CHLSN: variants seen among roughly 807,000 people sequenced by gnomAD.
CHLSN encodes the protein protein cholesin.
the CHLSN span, among the ~76,000 whole-genome samples, chr7:1,073,342 C>CCGTTT: frequency 6.6e-6 from 1 of 152,158 alleles, no homozygotes; most frequent in South Asian, 2.1e-4. Flanking sequence ...CATTCCACTC[C>CCGTTT]CGTTTCGGAG....
At chr7:1,123,152 T>C in the CHLSN span, among the ~76,000 whole-genome samples, 1 of 152,194 alleles carries the variant, frequency 6.6e-6, no homozygotes, top group African/African-American at 2.4e-5. The surrounding 1 kb of genome is among the most constrained non-coding windows in gnomAD (Gnocchi z 4.4). Flanking sequence ...CACCAGGGAC[T>C]GAAGCCTGGG....
chr7:1,077,357 G>A, the CHLSN span, among the ~76,000 whole-genome samples: 3 of 152,250 alleles, frequency 2.0e-5, no homozygotes, highest in East Asian at 3.9e-4. Flanking sequence ...GGGTTTCACC[G>A]TGTTAGCCAG....
the CHLSN span, chr7:1,092,739 G>A: frequency 1.2e-6 from 2 of 1,613,518 alleles, no homozygotes; most frequent in East Asian, 2.2e-5. Flanking sequence ...AGCTGAGGCT[G>A]TACATTGAGC....
chr7:998,163 T>C, the CHLSN span, among the ~76,000 whole-genome samples: 1 of 152,134 alleles, frequency 6.6e-6, no homozygotes, highest in African/African-American at 2.4e-5. Flanking sequence ...GCGCCGGCAC[T>C]TGGCACGCTC....
the CHLSN span, among the ~76,000 whole-genome samples, chr7:1,126,221 C>T: frequency 7.9e-5 from 12 of 151,422 alleles, no homozygotes; most frequent in East Asian, 9.7e-4. Flanking sequence ...ATTAGCTGGG[C>T]GTGGTGGTAG....
At chr7:984,299 GCCC>G in the CHLSN span, 66 of 1,371,230 alleles carry the variant, frequency 4.8e-5, no homozygotes, top group Non-Finnish European at 6.4e-5. Context: ...CCCTCCACCT[GCCC>G]CCATTTTCCC....
the CHLSN span, chr7:987,110 G>T: frequency 1.3e-6 from 2 of 1,547,238 alleles, no homozygotes; most frequent in Non-Finnish European, 8.7e-7. Context: ...TCTGCAGGGG[G>T]ATGACCCCGA....
chr7:1,102,834 C>G, the CHLSN span, among the ~76,000 whole-genome samples: 1 of 152,362 alleles, frequency 6.6e-6, no homozygotes, highest in South Asian at 2.1e-4. Context: ...CAACATCAGA[C>G]ACAGAATCAG....
the CHLSN span, among the ~76,000 whole-genome samples, chr7:1,030,743 T>A: frequency 6.7e-6 from 1 of 149,380 alleles, no homozygotes; most frequent in African/African-American, 2.5e-5. Context: ...GGGGACTCTC[T>A]CTCTCTCCCG....
At chr7:1,119,889 A>AAGG in the CHLSN span, among the ~76,000 whole-genome samples, 1 of 150,190 alleles carries the variant, frequency 6.7e-6, no homozygotes, top group African/African-American at 2.4e-5. Context: ...AAAAAAAAAA[A>AAGG]GGGGGATAGA....
the CHLSN span, chr7:1,092,889 T>G: frequency 6.3e-7 from 1 of 1,594,758 alleles, no homozygotes; most frequent in Non-Finnish European, 8.6e-7. Flanking sequence ...AGCCAGGGTG[T>G]GACTCGGGAG....
the CHLSN span, among the ~76,000 whole-genome samples, chr7:1,033,761 CTGAG>C: frequency 1.3e-5 from 2 of 151,942 alleles, no homozygotes; most frequent in Non-Finnish European, 2.9e-5. Context: ...GGGGTGCCTC[CTGAG>C]TGAGGTGAGG....
chr7:1,083,376 G>C, the CHLSN span, among the ~76,000 whole-genome samples: 2 of 152,170 alleles, frequency 1.3e-5, no homozygotes, highest in African/African-American at 2.4e-5. Context: ...TGTAATCCCA[G>C]CACTTTGGGA....
the CHLSN span, among the ~76,000 whole-genome samples, chr7:1,019,374 C>A: frequency 3.6e-3 from 552 of 152,246 alleles, 5 homozygotes; most frequent in Admixed American, 5.6e-3. Context: ...GAAAATCCTG[C>A]CCCCATGCCA....
chr7:1,067,815 G>A, the CHLSN span, among the ~76,000 whole-genome samples: 43 of 130,134 alleles, frequency 3.3e-4, no homozygotes, highest in Non-Finnish European at 6.2e-4. Flanking sequence ...CCCCAGAGGT[G>A]AGGGTTTGGG....
At chr7:1,039,025 C>A in the CHLSN span, among the ~76,000 whole-genome samples, 2 of 73,698 alleles carry the variant, frequency 2.7e-5, no homozygotes, top group Admixed American at 1.2e-4. Flanking sequence ...GTCGGCCCCC[C>A]GCCCGGCCAG....
the CHLSN span, among the ~76,000 whole-genome samples, chr7:1,117,539 C>T: frequency 2.8e-5 from 4 of 141,188 alleles, no homozygotes; most frequent in East Asian, 4.2e-4. Context: ...GCTCTAGGAC[C>T]GGCTTCCATC....
chr7:1,078,472 G>A, the CHLSN span, among the ~76,000 whole-genome samples: 10 of 152,176 alleles, frequency 6.6e-5, no homozygotes, highest in African/African-American at 2.4e-4. Context: ...AGCAAGCAGG[G>A]ACCCCAGCCA....
the CHLSN span, chr7:1,127,315 G>A: frequency 1.2e-6 from 2 of 1,611,774 alleles, no homozygotes; most frequent in Non-Finnish European, 1.7e-6. Context: ...TGGCCCCTCT[G>A]CTGACGCCTT....
Sources: allele counts gnomAD v4.1 joint callset (sites outside exome capture counted in the v4.1 genomes callset), GRCh38; gene constraint gnomAD v4.1.1; non-coding constraint Gnocchi (gnomAD v3.1); transcripts MANE v1.5; gene names NCBI Gene and HGNC (gene_info 2026-07-23, HGNC 2026-07-21).